SRPK2: variants seen among roughly 807,000 people sequenced by gnomAD.
SRPK2 encodes the protein SFRS protein kinase 2.
SRPK2 carries 21 observed loss-of-function variants against 90.8 expected under a neutral mutation model. The ratio of observed to expected loss-of-function variants is 0.23; its 90% CI spans 0.16 to 0.33. SRPK2 has a LOEUF of 0.33. SRPK2 is among the 10% of genes least tolerant of loss of function. The pLI is 1.00. For synonymous variants in SRPK2, 288 were observed against 311.1 expected (o/e 0.93, Z 0.78); for missense variants, 620 against 869.0 (o/e 0.71, Z 3.60).
chr7:105,243,374 C>G (rs1379684025), intron 2 of SRPK2, among the ~76,000 whole-genome samples: 1 of 152,078 alleles, frequency 6.6e-6, no homozygotes, highest in African/African-American at 2.4e-5. Flanking sequence ...GAGATAGGAT[C>G]AAAGGTGGCA....
Position 105,297,721 on chromosome 7 carries a change from TTTAA to T in SRPK2, c.71+90923_71+90926del, listed in dbSNP as rs1471409327. On this transcript the variant is annotated intron_variant, in intron 2 of 15. Transcript: ENST00000393651. ...TAATTACTTTTGTTTTATTTTCATC[TTTAA>T]TTAAGCTGTAAATTTTTTTTTTTTT... 1.1e-4 allele frequency among the ~76,000 whole-genome samples: 16 copies of T among 150,736 alleles called. No homozygotes were observed. The East Asian group carries it at 2.9e-3, about 28-fold the overall frequency.
At chr7:105,248,297 A>C (rs2129629683) in intron 2 of SRPK2, among the ~76,000 whole-genome samples, 1 of 152,334 alleles carries the variant, frequency 6.6e-6, no homozygotes, top group East Asian at 1.9e-4. Flanking sequence ...CTCTTCAGAT[A>C]GAAAAGAACT....
rs1050415 is a variant in SRPK2 at position 105,126,294 on chromosome 7, G to T, written c.1869C>A (p.His623Gln). The change falls in exon 15 of 16, where the codon CAC becomes CAA. Residue 623 changes from histidine to glutamine, a missense_variant. This residue lies in a region of SRPK2 where 71 missense variants were observed against 123.1 expected (regional missense o/e 0.58). Coordinates refer to ENST00000393651, the MANE Select transcript of SRPK2 (RefSeq NM_182692.3). ...GAGAATATTTTCCAGATAGAGCAAA[G>T]TGCCTTGGAATACTGCCTAGCAGCT... is the stretch of plus-strand genomic sequence containing the variant. ...IIELLGSIPR[H>Q]FALSGKYSRE... 28 of 1,614,028 alleles carry T rather than the reference G, an allele frequency of 1.7e-5. No individual in the cohort carries two copies. The African/African-American group carries it at 3.5e-4, about 20-fold the overall frequency.
chr7:105,388,306 G>A (rs1821882039), intron 2 of SRPK2, among the ~76,000 whole-genome samples: 2 of 151,394 alleles, frequency 1.3e-5, no homozygotes, highest in Non-Finnish European at 3.0e-5. Context: ...TTCCGGAAAG[G>A]GCCGCGACCC....
rs79688882 is a variant in SRPK2 at position 105,395,958 on chromosome 7, C to G, written n.153+3198G>C. Among the ~76,000 whole-genome samples, 515 of 152,042 alleles carry G rather than the reference C, an allele frequency of 3.4e-3. 1 individual carries two copies. Among genetic ancestry groups the G allele is most frequent in the African/African-American group, 0.012 (480 of 41,508 alleles). On this transcript the variant is annotated intron_variant and non_coding_transcript_variant, in intron 1 of 3. Transcript: ENST00000462282. ...GAGACACAGTTTCACTCTTGTTGCT[C>G]GGGCTGGAGTGCAATAACATGATGT...
At chr7:105,389,025 C>CCCCAGCGCCGCGCG (rs1196816544), upstream of SRPK2, 119 of 956,892 alleles carry the variant, frequency 1.2e-4, no homozygotes, top group Middle Eastern at 1.1e-3. Flanking sequence ...GGGGTCGGGA[C>CCCCAGCGCCGCGCG]CCCAGCGCCG....
intron 2 of SRPK2, among the ~76,000 whole-genome samples, chr7:105,228,862 T>G (rs1195716375): frequency 2.6e-5 from 4 of 152,118 alleles, no homozygotes; most frequent in African/African-American, 9.7e-5. Context: ...GCTCACATGC[T>G]CCCTCCTGCA....
At chr7:105,166,928 G>T (rs1790142389) in intron 6 of SRPK2, among the ~76,000 whole-genome samples, 1 of 152,178 alleles carries the variant, frequency 6.6e-6, no homozygotes, top group Admixed American at 6.5e-5. Context: ...GCCACCTTGG[G>T]ATGTGGACAT....
At chr7:105,283,869 G>A (rs549915271) in intron 2 of SRPK2, among the ~76,000 whole-genome samples, 10 of 152,002 alleles carry the variant, frequency 6.6e-5, no homozygotes, top group Non-Finnish European at 1.3e-4. Flanking sequence ...GGTGGTGTAC[G>A]CCTGTGGTCC....
At chr7:105,145,977 C>T (rs71562642) in intron 8 of SRPK2, among the ~76,000 whole-genome samples, 5 of 152,158 alleles carry the variant, frequency 3.3e-5, no homozygotes, top group African/African-American at 4.8e-5. Flanking sequence ...CCACACTTCA[C>T]TGCACCACCT....
chr7:105,240,129 G>A (rs1177485321), intron 2 of SRPK2, among the ~76,000 whole-genome samples: 2 of 152,150 alleles, frequency 1.3e-5, no homozygotes, highest in Non-Finnish European at 2.9e-5. Flanking sequence ...AGATCAATGT[G>A]CCGACAGACT....
At chr7:105,225,369 A>G (rs1459562787) in intron 2 of SRPK2, among the ~76,000 whole-genome samples, 5 of 152,250 alleles carry the variant, frequency 3.3e-5, no homozygotes, top group African/African-American at 1.2e-4. Flanking sequence ...AGCTGCAGTG[A>G]GCTGCCAACC....
intron 2 of SRPK2, among the ~76,000 whole-genome samples, chr7:105,361,343 G>A (rs942749752): frequency 2.0e-5 from 3 of 152,102 alleles, no homozygotes; most frequent in Non-Finnish European, 2.9e-5. Context: ...ACAAATGGAA[G>A]AACATTCCAT....
At chr7:105,200,029 T>C (rs1978201) in intron 3 of SRPK2, among the ~76,000 whole-genome samples, 109,976 of 152,078 alleles carry the variant, frequency 0.72, 42,460 homozygotes, top group Non-Finnish European at 0.87. Flanking sequence ...GGACCGGGCA[T>C]GGTGGTTCAC....
intron 2 of SRPK2, among the ~76,000 whole-genome samples, chr7:105,224,081 T>C (rs1267330210): frequency 6.6e-6 from 1 of 152,224 alleles, no homozygotes; most frequent in Non-Finnish European, 1.5e-5. Context: ...CAATTATTTA[T>C]TTTAGATTGA....
At chr7:105,282,663 T>C (rs188723991) in intron 2 of SRPK2, among the ~76,000 whole-genome samples, 10 of 152,092 alleles carry the variant, frequency 6.6e-5, no homozygotes, top group African/African-American at 1.4e-4. Flanking sequence ...GTGGTAAACA[T>C]CTGTAATCCC....
At chr7:105,388,487 T>C (rs902396940) in intron 2 of SRPK2, among the ~76,000 whole-genome samples, 161 bp downstream of exon 2, 2 of 133,892 alleles carry the variant, frequency 1.5e-5, no homozygotes, top group African/African-American at 2.7e-5. Context: ...CCGCCGCCCC[T>C]CCCCCCGGGC....
At position 105,303,086 on chromosome 7, in the gene SRPK2, G is replaced by C. The variant is rs376488371; in HGVS notation, c.71+85562C>G. Among the ~76,000 whole-genome samples the C allele has an allele frequency of 1.2e-3, 177 of 151,902 alleles. 2 individuals carry two copies. Among genetic ancestry groups the C allele is most frequent in the African/African-American group, 3.9e-3 (160 of 41,414 alleles). On this transcript the variant is annotated intron_variant, in intron 2 of 15. Transcript: ENST00000393651. The stretch of plus-strand genomic sequence containing the variant: ...AAGACTCCGTCTCAAAAAAAAAGGT[G>C]GGGGGGAGAAAATGTGGCACATATA...
intron 2 of SRPK2, among the ~76,000 whole-genome samples, chr7:105,364,593 G>A (rs953422273): frequency 1.5e-4 from 23 of 151,770 alleles, no homozygotes; most frequent in African/African-American, 5.6e-4. Context: ...TAGTAGAGAC[G>A]GGGTTTCACT....
Sources: gnomAD v4.1 joint callset for allele counts (sites outside exome capture counted in the v4.1 genomes callset) on GRCh38, gnomAD v4.1.1 for gene constraint, gnomAD v4.1.1 regional missense constraint, MANE v1.5 for transcripts, NCBI Gene and HGNC (gene_info 2026-07-23, HGNC 2026-07-21) for gene names.